The following CLSPN variants were observed in gnomAD, a reference collection of about 807,000 sequenced individuals.
CLSPN encodes the protein claspin homolog.
A neutral mutation model predicts 156.3 loss-of-function variants in CLSPN; 85 were observed. That is an observed-to-expected ratio of 0.54 (90% CI 0.46 to 0.65). CLSPN has a LOEUF of 0.65. Ranked by LOEUF, CLSPN falls within the 30% of genes least tolerant of loss-of-function variation. CLSPN has a pLI of 0.00. For missense variants in CLSPN, 1,407 were observed against 1,554.9 expected, an observed-to-expected ratio of 0.90 and a Z score of 1.60; for synonymous variants, 534 against 542.4, an observed-to-expected ratio of 0.98 and a Z score of 0.22.
Position 35,734,351 on chromosome 1 carries a change from G to A in CLSPN, c.*2145C>T. The A allele has an allele frequency of 1.0e-6, 1 of 985,162 alleles. No individual in the cohort carries two copies. The highest frequency in any genetic ancestry group is 1.1e-4 in the East Asian group (1 of 8,804). The allele number at this position is 985,162 out of a possible 1,614,324, so 61.0% of individuals were successfully genotyped here. A position where few individuals can be genotyped will look rare whatever the true frequency, so the allele number is the denominator to read the frequency against. On this transcript the variant is annotated 3_prime_UTR_variant, in exon 25 of 25. Transcript: ENST00000318121. ...TAAGATTACAAGTATACAAACATAA[G>A]TATTGTCAAAGTCAACATCTTGAGT...
chr1:35,753,614 A>C, intron 9 of CLSPN, 131 bp downstream of exon 9: 2 of 805,158 alleles, frequency 2.5e-6, no homozygotes, highest in Non-Finnish European at 4.0e-6. Context: ...GAATCATGCC[A>C]GAGATACTGC....
intron 24 of CLSPN, among the ~76,000 whole-genome samples, chr1:35,724,649 G>A (rs1641139463): frequency 6.6e-6 from 1 of 152,136 alleles, no homozygotes; most frequent in African/African-American, 2.4e-5. Flanking sequence ...TAACCTTTTT[G>A]GGCTAAATAA....
intron 13 of CLSPN, 137 bp from the exon 14 acceptor site, chr1:35,748,198 C>T (rs762060010): frequency 1.1e-5 from 12 of 1,045,132 alleles, no homozygotes; most frequent in Non-Finnish European, 1.7e-5. Context: ...AATACACAGC[C>T]ATGAGAAGCA....
At chr1:35,751,059 A>G (rs761829077) in intron 10 of CLSPN, among the ~76,000 whole-genome samples, 191 bp downstream of exon 10, 1 of 151,378 alleles carries the variant, frequency 6.6e-6, no homozygotes, top group Non-Finnish European at 1.5e-5. Flanking sequence ...TATAATGATG[A>G]TCTACAGATA....
intron 1 of CLSPN, among the ~76,000 whole-genome samples, chr1:35,769,345 C>A (rs952410530): frequency 6.6e-6 from 1 of 152,204 alleles, no homozygotes; most frequent in African/African-American, 2.4e-5. Flanking sequence ...CCACTCGGGG[C>A]CCGGTCGGAA....
Position 35,734,478 on chromosome 1 carries a change from A to G in CLSPN, c.*2018T>C. ...GTGGATCACCTCAGGTCAGGAGTTC[A>G]AGACCAGCCTGGCCAACATGGCGAA... On this transcript the variant is annotated 3_prime_UTR_variant, in exon 25 of 25. Coordinates refer to ENST00000318121, the MANE Select transcript of CLSPN (RefSeq NM_022111.4). The G allele has an allele frequency of 1.9e-6, 1 of 537,398 alleles. No homozygotes were observed. The highest frequency in any genetic ancestry group is 2.4e-6 in the Non-Finnish European group (1 of 420,810). The allele number at this position is 537,398 out of a possible 1,614,324, so 33.3% of individuals were successfully genotyped here. A position where few individuals can be genotyped will look rare whatever the true frequency, so the allele number is the denominator to read the frequency against.
intron 8 of CLSPN, among the ~76,000 whole-genome samples, chr1:35,758,148 G>T (rs188800883): frequency 9.9e-5 from 15 of 151,464 alleles, no homozygotes; most frequent in African/African-American, 3.4e-4. Context: ...ACAATAAGAT[G>T]TTTAATGAAA....
rs375869555 is a variant in CLSPN at position 35,749,431 on chromosome 1, A to G, written c.2272+36T>C. ...TTAAATATCAAAGCTGAGGGACAAA[A>G]GAAATGTTAAGTTCTGCACAAGAAT... On this transcript the variant is annotated intron_variant, in intron 12 of 24. Coordinates refer to ENST00000318121, the MANE Select transcript of CLSPN (RefSeq NM_022111.4). 1.5e-4 allele frequency: 241 copies of G among 1,602,014 alleles called. 2 individuals carry two copies. Among genetic ancestry groups the G allele is most frequent in the Admixed American group, 3.3e-4 (20 of 59,900 alleles).
At chr1:35,754,067 C>G in intron 8 of CLSPN, 131 bp from the exon 9 acceptor site, 1 of 688,172 alleles carries the variant, frequency 1.5e-6, no homozygotes, top group Non-Finnish European at 2.3e-6. Flanking sequence ...AACCAAAAAC[C>G]CCTTGCTACT....
At chr1:35,759,763 T>C (rs533524467) in intron 8 of CLSPN, among the ~76,000 whole-genome samples, 2 of 151,668 alleles carry the variant, frequency 1.3e-5, no homozygotes, top group Admixed American at 1.3e-4. Flanking sequence ...AAGGCAGAAA[T>C]AATAAATTCC....
Position 35,736,957 on chromosome 1 carries a change from G to A in CLSPN, c.3866C>T (p.Ser1289Phe). 1 of 1,614,164 alleles carries A rather than the reference G, an allele frequency of 6.2e-7. No homozygotes were observed. Among genetic ancestry groups the A allele is most frequent in the Non-Finnish European group, 8.5e-7 (1 of 1,180,018 alleles). ...NSRNFVFHTL[S>F]PVKAEAAKES... ...CTTTGCCGCCTCAGCCTTGACAGGAGAAAGTGTATGAAAGACAAAGTTTCT... is the reference window on the plus strand; with the variant it reads ...CTTTGCCGCCTCAGCCTTGACAGGAAAAAGTGTATGAAAGACAAAGTTTCT... The change falls in exon 24 of 25, where the codon TCT becomes TTT. Residue 1289 changes from serine to phenylalanine, a missense_variant. By Grantham distance (155) the Ser-to-Phe change is radical. Around this residue, in one of 3 missense-constraint regions of CLSPN, gnomAD observed 241 missense variants for 240.5 expected, o/e 1.00. Coordinates refer to ENST00000318121, the MANE Select transcript of CLSPN (RefSeq NM_022111.4).
At chr1:35,730,034 C>T (rs1641276653), downstream of CLSPN, among the ~76,000 whole-genome samples, 2 of 152,228 alleles carry the variant, frequency 1.3e-5, no homozygotes, top group Admixed American at 1.3e-4. Context: ...TATAATTCAG[C>T]TCTATGCTTT....
Position 35,739,265 on chromosome 1 carries a change from A to G in CLSPN, c.3309-8T>C, listed in dbSNP as rs6687290. 4,084 of 1,614,204 alleles carry G rather than the reference A, an allele frequency of 2.5e-3. 104 individuals carry two copies. The African/African-American group carries it at 0.049, about 19-fold the overall frequency. On this transcript the variant is annotated splice_polypyrimidine_tract_variant and splice_region_variant and intron_variant, in intron 19 of 24. Transcript: ENST00000318121. The stretch of plus-strand genomic sequence containing the variant: ...TCATCCAACATAGTTTTCCTGCAAC[A>G]GGAGAAATAAGGTGTTCAAAACAAG...
intron 24 of CLSPN, among the ~76,000 whole-genome samples, chr1:35,726,296 A>G (rs1641188922): frequency 6.6e-6 from 1 of 152,094 alleles, no homozygotes; most frequent in Admixed American, 6.6e-5. Context: ...AATGGCTGCT[A>G]ACAAAAGGTA....
At chr1:35,745,702 A>G (rs1641856744) in intron 15 of CLSPN, 140 bp from the exon 16 acceptor site, 1 of 630,740 alleles carries the variant, frequency 1.6e-6, no homozygotes, top group Non-Finnish European at 2.8e-6. Context: ...TCATTCAACA[A>G]ATCCTTATTT....
chr1:35,756,906 C>T (rs1642288901), intron 8 of CLSPN, among the ~76,000 whole-genome samples: 1 of 152,178 alleles, frequency 6.6e-6, no homozygotes, highest in Non-Finnish European at 1.5e-5. Flanking sequence ...GAAAACCTTT[C>T]AGTGGTCCTC....
downstream of CLSPN, among the ~76,000 whole-genome samples, chr1:35,731,440 G>A (rs948826815): frequency 1.3e-5 from 2 of 152,090 alleles, no homozygotes; most frequent in Admixed American, 1.3e-4. Flanking sequence ...GTCATGCATC[G>A]GCCATGAGAA....
At position 35,736,376 on chromosome 1, in the gene CLSPN, A is replaced by G; in HGVS notation, c.*120T>C. ...AGAAATCACTGGAATTTCTGTCTGC[A>G]ATCTTATTGCATTGATTATGAAAGA... On this transcript the variant is annotated 3_prime_UTR_variant, in exon 25 of 25. Transcript: ENST00000318121. The G allele has an allele frequency of 7.1e-7, 1 of 1,412,486 alleles. No homozygotes were observed. Among genetic ancestry groups the G allele is most frequent in the Non-Finnish European group, 9.2e-7 (1 of 1,083,314 alleles). 87.5% of individuals were successfully genotyped at this position (1,412,486 alleles called of 1,614,324 possible).
downstream of CLSPN, among the ~76,000 whole-genome samples, chr1:35,730,568 A>T (rs1487057865): frequency 5.5e-5 from 4 of 72,610 alleles, no homozygotes; most frequent in African/African-American, 2.2e-4. Flanking sequence ...AATCCATATT[A>T]AAAAAAAAAA....
Sources: gnomAD v4.1 joint callset for allele counts (sites outside exome capture counted in the v4.1 genomes callset) on GRCh38, gnomAD v4.1.1 for gene constraint, gnomAD v4.1.1 regional missense constraint, MANE v1.5 for transcripts, NCBI Gene and HGNC (gene_info 2026-07-23, HGNC 2026-07-21) for gene names.